The following GNAO1 variants were observed in gnomAD, a reference collection of about 807,000 sequenced individuals.
GNAO1 encodes the protein G protein subunit alpha o1.
For synonymous variants in GNAO1, 164 were observed against 180.7 expected (o/e 0.91, Z 0.74); for missense variants, 166 against 478.7 (o/e 0.35, Z 6.10).
intron 3 of GNAO1, among the ~76,000 whole-genome samples, chr16:56,285,424 G>A (rs1331702886): frequency 1.3e-5 from 2 of 152,050 alleles, no homozygotes; most frequent in African/African-American, 4.8e-5. Flanking sequence ...CCCCCACCTG[G>A]CAGCTACACA....
At chr16:56,281,322 G>C (rs1731605556) in intron 3 of GNAO1, among the ~76,000 whole-genome samples, 1 of 152,048 alleles carries the variant, frequency 6.6e-6, no homozygotes, top group Admixed American at 6.5e-5. Context: ...AGCTCCCCCT[G>C]CTGTTCTCAA....
At chr16:56,315,261 C>T (rs1435054187) in intron 3 of GNAO1, among the ~76,000 whole-genome samples, 1 of 152,232 alleles carries the variant, frequency 6.6e-6, no homozygotes, top group Non-Finnish European at 1.5e-5. Flanking sequence ...ATCGTCACTT[C>T]GTGTTCTGAA....
intron 2 of GNAO1, among the ~76,000 whole-genome samples, chr16:56,196,463 A>T (rs1025823426): frequency 9.2e-5 from 14 of 152,360 alleles, no homozygotes; most frequent in African/African-American, 3.4e-4. Flanking sequence ...AAGAAATCCC[A>T]TAACAAGTTG....
In GNAO1 at chr16:56,286,695, C is replaced by CTGTGTG. The variant is rs57968280; in HGVS notation, c.303+10655_303+10660dup. Among the ~76,000 whole-genome samples the CTGTGTG allele has an allele frequency of 7.0e-3, 1,011 of 144,982 alleles. 9 individuals are homozygous for CTGTGTG. The highest frequency in any genetic ancestry group is 0.024 in the African/African-American group (941 of 39,386). On this transcript the variant is annotated intron_variant, in intron 3 of 8. Transcript: ENST00000262493. The stretch of plus-strand genomic sequence containing the variant: ...CAGTCTCTTTCTGTCTCTGTCGCCT[C>CTGTGTG]TGTGTGTGTGTGTGTGTGTGTGTGT...
chr16:56,283,147 A>G (rs1305478916), intron 3 of GNAO1, among the ~76,000 whole-genome samples: 4 of 152,346 alleles, frequency 2.6e-5, no homozygotes, highest in African/African-American at 7.2e-5. Flanking sequence ...ATTTTAAGCT[A>G]TTACAACCTC....
At chr16:56,206,242 C>CT (rs1411940052) in intron 2 of GNAO1, among the ~76,000 whole-genome samples, 1 of 151,436 alleles carries the variant, frequency 6.6e-6, no homozygotes. Flanking sequence ...ATCACTTGAA[C>CT]CCGGTAGGCA....
rs150956572 is a variant in GNAO1, at chr16:56,338,711, C to G, written c.723+1851C>G. 3.4e-3 allele frequency among the ~76,000 whole-genome samples: 513 copies of G among 152,368 alleles called. 2 individuals carry two copies. Among genetic ancestry groups the G allele is most frequent in the African/African-American group, 0.012 (492 of 41,592 alleles). ...GGCCCACCGGCCATGGGGCTGGGCTCTCGCTCACCTCTGGAAGATGGAAGC... is the reference window on the plus strand; with the variant it reads ...GGCCCACCGGCCATGGGGCTGGGCTGTCGCTCACCTCTGGAAGATGGAAGC... On this transcript the variant is annotated intron_variant, in intron 6 of 8. Coordinates refer to ENST00000262493, the MANE Select transcript of GNAO1 (RefSeq NM_020988.3).
intron 6 of GNAO1, among the ~76,000 whole-genome samples, chr16:56,339,439 G>C (rs1209767037): frequency 2.0e-5 from 3 of 152,262 alleles, no homozygotes; most frequent in Non-Finnish European, 4.4e-5. Flanking sequence ...TCAGGTTCTA[G>C]GATGTGGGAG....
intron 2 of GNAO1, among the ~76,000 whole-genome samples, chr16:56,272,239 G>A (rs561193639): frequency 6.6e-6 from 1 of 152,198 alleles, no homozygotes; most frequent in South Asian, 2.1e-4. Context: ...AACCAAGGAG[G>A]CAGAGCTTGC....
intron 2 of GNAO1, among the ~76,000 whole-genome samples, chr16:56,213,908 G>A (rs2036415775): frequency 6.6e-6 from 1 of 152,108 alleles, no homozygotes; most frequent in Non-Finnish European, 1.5e-5. Flanking sequence ...AAAGACAGGG[G>A]CGGGAAAGAA....
At chr16:56,195,428 A>T (rs1034109813) in intron 2 of GNAO1, among the ~76,000 whole-genome samples, 4 of 152,168 alleles carry the variant, frequency 2.6e-5, no homozygotes, top group Non-Finnish European at 5.9e-5. Context: ...CTAGTAACAA[A>T]TTTTTTTGAG....
At position 56,346,146 on chromosome 16, in the gene GNAO1, C is replaced by T. The variant is rs1448224949; in HGVS notation, c.724-5238C>T. ...ACTGCTCTCAATCCTCCCACCCTAG[C>T]CTGGGGGTGGTCCTTGGTCCTCAGG... On this transcript the variant is annotated intron_variant, in intron 6 of 8. Transcript: ENST00000262493. 16 of 985,136 alleles carry T rather than the reference C, an allele frequency of 1.6e-5. No individual in the cohort carries two copies. The African/African-American group carries it at 2.6e-4, about 16-fold the overall frequency. 61.0% of individuals were successfully genotyped at this position (985,136 alleles called of 1,614,324 possible).
At chr16:56,231,041 GTA>G (rs1313332486) in intron 2 of GNAO1, among the ~76,000 whole-genome samples, 1 of 152,188 alleles carries the variant, frequency 6.6e-6, no homozygotes, top group African/African-American at 2.4e-5. Context: ...CACCCTGTGG[GTA>G]TGTCATATAG....
intron 2 of GNAO1, among the ~76,000 whole-genome samples, chr16:56,232,777 CA>C (rs1481288113): frequency 6.6e-6 from 1 of 152,168 alleles, no homozygotes; most frequent in Non-Finnish European, 1.5e-5. Context: ...TAGGCCTCCT[CA>C]AAAGGGGTTG....
intron 4 of GNAO1, among the ~76,000 whole-genome samples, chr16:56,329,827 A>G (rs1245250792): frequency 6.6e-6 from 1 of 151,908 alleles, no homozygotes; most frequent in Non-Finnish European, 1.5e-5. Context: ...ATCGGGAGAC[A>G]TTTTTGATGG....
At chr16:56,341,507 G>T (rs377675823) in intron 6 of GNAO1, among the ~76,000 whole-genome samples, 1 of 152,238 alleles carries the variant, frequency 6.6e-6, no homozygotes, top group African/African-American at 2.4e-5. Context: ...GCAGAGCTTC[G>T]CGTGGTGCCG....
At chr16:56,332,892 C>G (rs1392005859) in intron 4 of GNAO1, among the ~76,000 whole-genome samples, 2 of 152,234 alleles carry the variant, frequency 1.3e-5, no homozygotes, top group Admixed American at 1.3e-4. Flanking sequence ...TCATGGGCGC[C>G]AGGGCGGGGC....
chr16:56,353,714 G>C (rs1395428840), intron 7 of GNAO1, among the ~76,000 whole-genome samples: 1 of 152,220 alleles, frequency 6.6e-6, no homozygotes, highest in Non-Finnish European at 1.5e-5. Flanking sequence ...CCTGGGCAGG[G>C]TCCACACGGG....
At chr16:56,216,322 G>A (rs886951205) in intron 2 of GNAO1, among the ~76,000 whole-genome samples, 2 of 152,204 alleles carry the variant, frequency 1.3e-5, no homozygotes, top group East Asian at 3.8e-4. Context: ...TTGCCCCTCT[G>A]AGTTCACCAG....
Sources: gnomAD v4.1 joint callset for allele counts (sites outside exome capture counted in the v4.1 genomes callset) on GRCh38, gnomAD v4.1.1 for gene constraint, MANE v1.5 for transcripts, NCBI Gene and HGNC (gene_info 2026-07-23, HGNC 2026-07-21) for gene names.